The following PTCHD4 variants were observed in gnomAD, a reference collection of about 807,000 sequenced individuals.
PTCHD4 encodes patched domain-containing protein 4.
In PTCHD4, 33 loss-of-function variants were observed where a neutral mutation model predicts 58.1. The observed-to-expected ratio is 0.57, with a 90% CI of 0.43 to 0.76. PTCHD4 has a LOEUF of 0.76. Ranked by LOEUF, PTCHD4 falls within the 30% of genes least tolerant of loss-of-function variation. PTCHD4 has a pLI of 0.00. For missense variants in PTCHD4, 1,058 were observed against 1,027.1 expected (o/e 1.03, Z -0.41); for synonymous variants, 478 against 409.6 (o/e 1.17, Z -2.02).
intron 4 of PTCHD4, among the ~76,000 whole-genome samples, chr6:47,953,085 A>ATGG (rs1368517267): frequency 2.0e-5 from 3 of 152,114 alleles, no homozygotes; most frequent in Non-Finnish European, 4.4e-5. Context: ...GAGGATGATG[A>ATGG]TGATGATGAC....
intron 1 of PTCHD4, among the ~76,000 whole-genome samples, chr6:48,092,196 C>A (rs569190417): frequency 6.6e-6 from 1 of 152,196 alleles, no homozygotes; most frequent in Admixed American, 6.5e-5. Context: ...GAAAATGAAA[C>A]CCAGGGAGAA....
At chr6:47,951,185 C>G (rs1291326659) in intron 4 of PTCHD4, among the ~76,000 whole-genome samples, 1 of 152,090 alleles carries the variant, frequency 6.6e-6, no homozygotes, top group African/African-American at 2.4e-5. Flanking sequence ...TTTGAAAACT[C>G]AAGTAGTTTT....
rs1439167489 is a variant in PTCHD4 at position 48,069,150 on chromosome 6, G to C, written c.-193C>G. On this transcript the variant is annotated 5_prime_UTR_variant, in exon 2 of 5. Coordinates refer to ENST00000339488, the MANE Select transcript of PTCHD4 (RefSeq NM_001384253.1). ...ACATGTGCCCCATAAAGGGGGGGGG[G>C]GCTGAGGGGGGGAGAGGAGGGAGAA... Among the ~76,000 whole-genome samples the C allele has an allele frequency of 3.7e-5, 5 of 135,344 alleles. No homozygotes were observed. The highest frequency in any genetic ancestry group is 8.0e-5 in the Non-Finnish European group (5 of 62,466). 88.8% of individuals were successfully genotyped at this position (135,344 alleles called of 152,430 possible). A position where few individuals can be genotyped will look rare whatever the true frequency, so the allele number is the denominator to read the frequency against.
At chr6:47,950,196 CA>C (rs1561973523) in intron 4 of PTCHD4, among the ~76,000 whole-genome samples, 1 of 152,040 alleles carries the variant, frequency 6.6e-6, no homozygotes, top group East Asian at 1.9e-4. Flanking sequence ...CATGTCCCTA[CA>C]AAGGACATAA....
rs771239075 is a variant in PTCHD4, at chr6:47,874,765, T to C, written c.*3538A>G. Reference sequence around the variant, plus strand: ...TGATACAACAACAGAGGAGAATAGTTCTTTCATAGAATACTCATGCACAGC... The same window carrying C: ...TGATACAACAACAGAGGAGAATAGTCCTTTCATAGAATACTCATGCACAGC... On this transcript the variant is annotated 3_prime_UTR_variant, in exon 5 of 5. Coordinates refer to ENST00000339488, the MANE Select transcript of PTCHD4 (RefSeq NM_001384253.1). Among the ~76,000 whole-genome samples the C allele has an allele frequency of 6.6e-6, 1 of 151,746 alleles. No individual in the cohort carries two copies. Among genetic ancestry groups the C allele is most frequent in the Non-Finnish European group, 1.5e-5 (1 of 67,822 alleles).
rs1244732578 is a variant in PTCHD4, at chr6:48,084,727, C to T, written c.-969-14801G>A. On this transcript the variant is annotated intron_variant, in intron 1 of 4. Transcript: ENST00000339488. ...TGATTGAGAGTACTTTTCTTTTTTTCTTTCTTTCTTTTTTTTTTTTTTTTG... is the reference window on the plus strand; with the variant it reads ...TGATTGAGAGTACTTTTCTTTTTTTTTTTCTTTCTTTTTTTTTTTTTTTTG... Among the ~76,000 whole-genome samples, 51 of 148,704 alleles carry T rather than the reference C, an allele frequency of 3.4e-4. 2 individuals carry two copies. Among genetic ancestry groups the T allele is most frequent in the East Asian group, 2.0e-4 (1 of 5,082 alleles).
chr6:48,108,457 TG>T (rs960815534), intron 1 of PTCHD4, among the ~76,000 whole-genome samples: 4 of 150,630 alleles, frequency 2.7e-5, no homozygotes, highest in Non-Finnish European at 5.9e-5. Flanking sequence ...TGTTGTGGGG[TG>T]GGGGGAGCGG....
At chr6:48,047,692 A>G (rs1326882597) in intron 3 of PTCHD4, among the ~76,000 whole-genome samples, 1 of 151,728 alleles carries the variant, frequency 6.6e-6, no homozygotes. Flanking sequence ...CTCACAAATG[A>G]GATTAGTGTT....
chr6:47,982,142 G>T (rs972574445), intron 4 of PTCHD4, among the ~76,000 whole-genome samples: 1 of 152,126 alleles, frequency 6.6e-6, no homozygotes, highest in Non-Finnish European at 1.5e-5. Flanking sequence ...TCTTAGTCCA[G>T]TACAGTAGGT....
At chr6:47,937,907 CTT>C (rs1766062300) in intron 4 of PTCHD4, among the ~76,000 whole-genome samples, 1 of 152,130 alleles carries the variant, frequency 6.6e-6, no homozygotes, top group Admixed American at 6.5e-5. Flanking sequence ...AATCCCAGCA[CTT>C]TGGGAGGTTG....
intron 3 of PTCHD4, among the ~76,000 whole-genome samples, chr6:48,019,870 C>G (rs1163272511): frequency 6.6e-6 from 1 of 152,140 alleles, no homozygotes; most frequent in African/African-American, 2.4e-5. Flanking sequence ...TTAGCTGAGT[C>G]CTGAATCATA....
At chr6:47,956,797 A>G (rs370748683) in intron 4 of PTCHD4, among the ~76,000 whole-genome samples, 20 of 152,280 alleles carry the variant, frequency 1.3e-4, no homozygotes, top group African/African-American at 4.3e-4. Flanking sequence ...ACATACACAG[A>G]TAAGGACTGG....
At chr6:47,968,563 C>T (rs903462357) in intron 4 of PTCHD4, among the ~76,000 whole-genome samples, 2 of 152,146 alleles carry the variant, frequency 1.3e-5, no homozygotes, top group African/African-American at 4.8e-5. Flanking sequence ...CAAGATATGC[C>T]TGGATTTGTA....
At chr6:48,061,834 TC>T (rs2113869769) in intron 3 of PTCHD4, among the ~76,000 whole-genome samples, 1 of 152,274 alleles carries the variant, frequency 6.6e-6, no homozygotes, top group African/African-American at 2.4e-5. Flanking sequence ...GCAGAAACAC[TC>T]TAGAGAAATG....
At chr6:48,030,353 A>G (rs1420318621) in intron 3 of PTCHD4, among the ~76,000 whole-genome samples, 2 of 152,212 alleles carry the variant, frequency 1.3e-5, no homozygotes, top group South Asian at 2.1e-4. Flanking sequence ...CCTGTTTGCT[A>G]TCTTTAAGCT....
At chr6:47,993,466 G>T (rs560984269) in intron 4 of PTCHD4, among the ~76,000 whole-genome samples, 1 of 152,274 alleles carries the variant, frequency 6.6e-6, no homozygotes, top group Admixed American at 6.5e-5. Context: ...AATGAACCTT[G>T]ACAGTTGCCT....
chr6:47,999,495 G>A (rs1040244871), intron 4 of PTCHD4, among the ~76,000 whole-genome samples: 1 of 152,166 alleles, frequency 6.6e-6, no homozygotes. Context: ...AATAAGTCCT[G>A]TGGCAACATA....
At chr6:47,902,792 C>T (rs1764753652) in intron 4 of PTCHD4, among the ~76,000 whole-genome samples, 1 of 152,132 alleles carries the variant, frequency 6.6e-6, no homozygotes, top group South Asian at 2.1e-4. Context: ...AACCCATGTA[C>T]ACTTTTGAAT....
intron 1 of PTCHD4, among the ~76,000 whole-genome samples, chr6:48,090,964 A>G (rs1466935534): frequency 2.0e-5 from 3 of 152,186 alleles, no homozygotes; most frequent in African/African-American, 7.2e-5. Context: ...ACAAGTGTGA[A>G]CCTGAAATCG....
Sources: allele counts gnomAD v4.1 joint callset (sites outside exome capture counted in the v4.1 genomes callset), GRCh38; gene constraint gnomAD v4.1.1; transcripts MANE v1.5; gene names NCBI Gene and HGNC (gene_info 2026-07-23, HGNC 2026-07-21).